FHIT: variants seen among roughly 807,000 people sequenced by gnomAD.
FHIT encodes fragile histidine triad diadenosine triphosphatase.
A neutral mutation model predicts 17.9 loss-of-function variants in FHIT; 19 were observed. The ratio of observed to expected loss-of-function variants is 1.06; its 90% CI spans 0.74 to 1.56. The LOEUF (loss-of-function observed/expected upper bound fraction) is 1.56, where lower values mean the gene tolerates loss of function less well. Among genes scored for constraint, FHIT ranks in the 40% most tolerant of loss-of-function variants. FHIT has a pLI of 0.00. For synonymous variants in FHIT, 81 were observed against 69.7 expected (o/e 1.16, Z -0.81); for missense variants, 248 against 189.2 (o/e 1.31, Z -1.82).
rs111566340 is a variant in FHIT at position 60,350,109 on chromosome 3, C to T, written c.103+186751G>A. Among the ~76,000 whole-genome samples the T allele has an allele frequency of 3.2e-3, 489 of 152,298 alleles. 1 individual carries two copies. Among genetic ancestry groups the T allele is most frequent in the African/African-American group, 0.011 (449 of 41,568 alleles). ...ATAAAATTAACAGATTATTACAGTA[C>T]ACACTCCCATACCTACATCAGGAGT... On this transcript the variant is annotated intron_variant, in intron 5 of 9. Coordinates refer to ENST00000492590, the MANE Select transcript of FHIT (RefSeq NM_002012.4).
chr3:59,775,529 T>A (rs493783), intron 8 of FHIT, among the ~76,000 whole-genome samples: 107,911 of 150,460 alleles, frequency 0.72, 40,046 homozygotes, highest in Middle Eastern at 0.84. Context: ...TATAAATGAA[T>A]GCAAATCATC....
rs1575843013 is a variant in FHIT at position 59,995,468 on chromosome 3, T to C, written c.279+15903A>G. On this transcript the variant is annotated intron_variant, in intron 7 of 9. Transcript: ENST00000492590. ...TCTTGTGAACTGAGAGCTTGGCTTA[T>C]CAACACATCTGGTCTTCAGAGGTTA... Among the ~76,000 whole-genome samples the C allele has an allele frequency of 1.3e-5, 2 of 152,242 alleles. 1 individual carries two copies. The highest frequency in any genetic ancestry group is 6.8e-3 in the Middle Eastern group (2 of 294).
At chr3:61,107,729 C>G (rs999619586) in intron 2 of FHIT, among the ~76,000 whole-genome samples, 4 of 152,182 alleles carry the variant, frequency 2.6e-5, no homozygotes, top group Admixed American at 1.3e-4. Flanking sequence ...AATCGGGCAG[C>G]CTTCTGAGCC....
intron 2 of FHIT, among the ~76,000 whole-genome samples, chr3:61,087,849 T>TAGCA (rs1207759873): frequency 1.3e-5 from 2 of 152,246 alleles, no homozygotes; most frequent in Admixed American, 6.5e-5. Flanking sequence ...AGGCCAGCCC[T>TAGCA]AGCAAGTCTA....
At chr3:60,045,964 C>A (rs1039540139) in intron 5 of FHIT, among the ~76,000 whole-genome samples, 11 of 152,218 alleles carry the variant, frequency 7.2e-5, no homozygotes, top group Admixed American at 4.6e-4. Flanking sequence ...TACATTTCTA[C>A]AGCCAACTCT....
chr3:60,114,350 C>A lies in FHIT; in HGVS notation c.104-100198G>T, dbSNP rs534563954. 3.3e-5 allele frequency among the ~76,000 whole-genome samples: 5 copies of A among 151,524 alleles called. No homozygotes were observed. In the South Asian group the frequency reaches 1.0e-3, roughly 32 times the overall value. On this transcript the variant is annotated intron_variant, in intron 5 of 9. Transcript: ENST00000492590. ...CAGATACACAAATAAGCAATAGCAT[C>A]ATGTTTTCAAACAGTCTGGTCTCTT...
At chr3:60,573,873 G>A (rs2037473695) in intron 4 of FHIT, among the ~76,000 whole-genome samples, 1 of 151,884 alleles carries the variant, frequency 6.6e-6, no homozygotes, top group Non-Finnish European at 1.5e-5. Context: ...GCAGTGACGT[G>A]ATCTCAGCTC....
chr3:61,201,222 C>G (rs1466241877), intron 1 of FHIT, among the ~76,000 whole-genome samples: 4 of 152,208 alleles, frequency 2.6e-5, no homozygotes, highest in African/African-American at 7.2e-5. Context: ...TCGGAAGAAA[C>G]TCACAAAACA....
At chr3:59,788,881 G>GTTTTTTTTTGTTTTTTT (rs1553677015) in intron 8 of FHIT, among the ~76,000 whole-genome samples, 1 of 86,804 alleles carries the variant, frequency 1.2e-5, no homozygotes, top group African/African-American at 4.6e-5. Flanking sequence ...GAGTTCATAT[G>GTTTTTTTTTGTTTTTTT]TTTTTTTTTT....
chr3:60,772,861 T>G (rs1401046956), intron 4 of FHIT, among the ~76,000 whole-genome samples: 3 of 152,176 alleles, frequency 2.0e-5, no homozygotes, highest in African/African-American at 7.2e-5. Flanking sequence ...TGATGGTTCC[T>G]CTGGCCAGAA....
At chr3:60,223,580 A>G (rs1332421923) in intron 5 of FHIT, among the ~76,000 whole-genome samples, 1 of 152,150 alleles carries the variant, frequency 6.6e-6, no homozygotes, top group Non-Finnish European at 1.5e-5. Context: ...ACCCTACTGA[A>G]AACAAGCTGA....
intron 8 of FHIT, among the ~76,000 whole-genome samples, chr3:59,864,281 C>T (rs954906356): frequency 3.9e-4 from 60 of 152,052 alleles, no homozygotes; most frequent in Admixed American, 2.6e-4. Flanking sequence ...GTCTGGCCCA[C>T]GCTATTCTTT....
chr3:61,000,432 C>T (rs1213909672), intron 3 of FHIT, among the ~76,000 whole-genome samples: 1 of 152,162 alleles, frequency 6.6e-6, no homozygotes, highest in African/African-American at 2.4e-5. Flanking sequence ...AAGGTCAAAG[C>T]ATATAATGCT....
At chr3:60,776,324 G>T (rs1370601607) in intron 4 of FHIT, among the ~76,000 whole-genome samples, 1 of 152,128 alleles carries the variant, frequency 6.6e-6, no homozygotes, top group African/African-American at 2.4e-5. Context: ...TTTGTCAAGA[G>T]AACTCTAATT....
At chr3:60,839,863 AAAT>A (rs1320686099) in intron 3 of FHIT, among the ~76,000 whole-genome samples, 2 of 152,210 alleles carry the variant, frequency 1.3e-5, no homozygotes, top group Non-Finnish European at 2.9e-5. Flanking sequence ...ACACAGAAAA[AAAT>A]AAACAGAAGA....
chr3:61,080,017 T>G (rs1170516280), intron 2 of FHIT, among the ~76,000 whole-genome samples: 2 of 151,888 alleles, frequency 1.3e-5, no homozygotes, highest in Non-Finnish European at 2.9e-5. Flanking sequence ...ATCAAACTCT[T>G]AAAGTATTTC....
intron 2 of FHIT, among the ~76,000 whole-genome samples, chr3:61,085,562 T>C (rs1406209132): frequency 3.9e-5 from 6 of 152,152 alleles, no homozygotes; most frequent in Non-Finnish European, 2.9e-5. Context: ...CATCCCATTC[T>C]GTGGTTTGTC....
intron 2 of FHIT, among the ~76,000 whole-genome samples, chr3:61,181,777 ATC>A (rs1222333259): frequency 6.6e-6 from 1 of 152,198 alleles, no homozygotes; most frequent in Non-Finnish European, 1.5e-5. Flanking sequence ...TTGGAGAAAA[ATC>A]TCTCTTTGTT....
intron 5 of FHIT, among the ~76,000 whole-genome samples, chr3:60,041,807 G>T (rs1168709197): frequency 6.6e-6 from 1 of 152,116 alleles, no homozygotes; most frequent in Non-Finnish European, 1.5e-5. Context: ...TTGGGACAAA[G>T]GTCAAGAGAA....
Sources: gnomAD v4.1 joint callset for allele counts (sites outside exome capture counted in the v4.1 genomes callset) on GRCh38, gnomAD v4.1.1 for gene constraint, MANE v1.5 for transcripts, NCBI Gene and HGNC (gene_info 2026-07-23, HGNC 2026-07-21) for gene names.